Variants in SNTG1 observed in about 807,000 individuals in gnomAD.
SNTG1 encodes the protein gamma-1-syntrophin.
Under a neutral mutation model 74.7 loss-of-function variants are expected in SNTG1, and 39 were observed. That is an observed-to-expected ratio of 0.52 (90% CI 0.40 to 0.68). The LOEUF is 0.68. Ranked by LOEUF, SNTG1 falls within the 30% of genes least tolerant of loss-of-function variation. SNTG1 has a pLI of 0.00. For synonymous variants in SNTG1, 254 were observed against 217.1 expected (o/e 1.17, Z -1.49); for missense variants, 685 against 609.5 (o/e 1.12, Z -1.30).
intron 4 of SNTG1, among the ~76,000 whole-genome samples, chr8:50,405,327 T>C (rs2092858869): frequency 6.6e-6 from 1 of 152,134 alleles, no homozygotes; most frequent in Non-Finnish European, 1.5e-5. Flanking sequence ...TTCTGTGTTT[T>C]TGATAATAGC....
intron 1 of SNTG1, among the ~76,000 whole-genome samples, chr8:50,078,806 T>G (rs1411580434): frequency 1.3e-5 from 2 of 152,190 alleles, no homozygotes; most frequent in Non-Finnish European, 2.9e-5. Context: ...AGTGAGAAAA[T>G]GCAGTTTTTG....
chr8:50,294,573 G>A (rs1224823457), intron 2 of SNTG1, among the ~76,000 whole-genome samples: 1 of 152,150 alleles, frequency 6.6e-6, no homozygotes, highest in African/African-American at 2.4e-5. Context: ...TTATGAGGCA[G>A]GAGGAAAAGA....
At chr8:49,926,991 T>C (rs754880123) in intron 1 of SNTG1, among the ~76,000 whole-genome samples, 1 of 152,170 alleles carries the variant, frequency 6.6e-6, no homozygotes, top group Non-Finnish European at 1.5e-5. Flanking sequence ...TATGAAAAGA[T>C]GCTCAACACC....
intron 1 of SNTG1, among the ~76,000 whole-genome samples, chr8:50,116,479 CTG>C (rs1333928220): frequency 6.6e-6 from 1 of 152,146 alleles, no homozygotes; most frequent in Non-Finnish European, 1.5e-5. Context: ...ATCCTTGACT[CTG>C]TGTTGGAATG....
chr8:50,503,222 T>A (rs1445896350), intron 9 of SNTG1, among the ~76,000 whole-genome samples: 2 of 152,138 alleles, frequency 1.3e-5, no homozygotes, highest in African/African-American at 4.8e-5. Context: ...AAATTAATAC[T>A]AAACAAGAAT....
At chr8:50,671,276 A>G (rs925273478) in intron 15 of SNTG1, among the ~76,000 whole-genome samples, 28 of 151,900 alleles carry the variant, frequency 1.8e-4, no homozygotes, top group African/African-American at 6.8e-4. Context: ...ATGGGAGAAA[A>G]TTTTTGCAAC....
chr8:50,716,911 C>CA (rs2095476495), intron 17 of SNTG1, among the ~76,000 whole-genome samples: 1 of 151,380 alleles, frequency 6.6e-6, no homozygotes, highest in African/African-American at 2.4e-5. Flanking sequence ...TTTTTTTTTG[C>CA]ATTTTTAGTG....
intron 3 of SNTG1, among the ~76,000 whole-genome samples, chr8:50,395,953 T>C (rs1371785593): frequency 6.6e-6 from 1 of 152,198 alleles, no homozygotes; most frequent in Non-Finnish European, 1.5e-5. Flanking sequence ...ATGGGACACA[T>C]GACATTCATA....
intron 18 of SNTG1, among the ~76,000 whole-genome samples, chr8:50,790,467 GGATA>G (rs1217024517): frequency 6.6e-6 from 1 of 151,876 alleles, no homozygotes; most frequent in Non-Finnish European, 1.5e-5. Context: ...GTCGGTGGAT[GGATA>G]GATAGATGTT....
chr8:50,625,304 G>A (rs1415960614), intron 13 of SNTG1, among the ~76,000 whole-genome samples: 3 of 152,168 alleles, frequency 2.0e-5, no homozygotes, highest in Non-Finnish European at 4.4e-5. Flanking sequence ...CCCCAGATGT[G>A]GCAGATCAAT....
intron 1 of SNTG1, among the ~76,000 whole-genome samples, chr8:49,955,820 T>C (rs1030606714): frequency 6.6e-6 from 1 of 152,194 alleles, no homozygotes; most frequent in Non-Finnish European, 1.5e-5. Flanking sequence ...CGCTGTGTCA[T>C]CATGGAGATT....
intron 2 of SNTG1, among the ~76,000 whole-genome samples, chr8:50,208,495 G>A (rs1034829724): frequency 1.3e-5 from 2 of 152,178 alleles, no homozygotes; most frequent in East Asian, 1.9e-4. Context: ...GCACACTGAC[G>A]GGTCTTGACT....
intron 1 of SNTG1, among the ~76,000 whole-genome samples, chr8:49,976,592 T>A (rs1470696436): frequency 1.3e-5 from 2 of 152,152 alleles, no homozygotes; most frequent in African/African-American, 4.8e-5. Flanking sequence ...GTGTCTTAAA[T>A]TTGTCCAGGG....
At chr8:50,224,003 C>T (rs1481035734) in intron 2 of SNTG1, among the ~76,000 whole-genome samples, 10 of 151,790 alleles carry the variant, frequency 6.6e-5, no homozygotes, top group Non-Finnish European at 7.4e-5. Flanking sequence ...TTGCCAGATA[C>T]AAATCTATTC....
chr8:50,590,515 C>A (rs2094684619), intron 12 of SNTG1, among the ~76,000 whole-genome samples: 1 of 151,976 alleles, frequency 6.6e-6, no homozygotes, highest in Non-Finnish European at 1.5e-5. Context: ...AGTGCTAAAA[C>A]AAATTGGATA....
chr8:50,396,264 A>G (rs1273234440), intron 3 of SNTG1, among the ~76,000 whole-genome samples: 1 of 152,226 alleles, frequency 6.6e-6, no homozygotes, highest in Non-Finnish European at 1.5e-5. Flanking sequence ...AATATTGCTG[A>G]AGTCACTATA....
chr8:50,303,182 G>T (rs564063388), intron 2 of SNTG1, among the ~76,000 whole-genome samples: 388 of 152,064 alleles, frequency 2.6e-3, no homozygotes, highest in African/African-American at 9.0e-3. Flanking sequence ...TTTTCACAAT[G>T]GACTCCCTGA....
chr8:50,248,397 C>T (rs930835452), intron 2 of SNTG1, among the ~76,000 whole-genome samples: 2 of 152,148 alleles, frequency 1.3e-5, no homozygotes, highest in African/African-American at 4.8e-5. Context: ...CTCAATTCCC[C>T]CAAGGACAAA....
At chr8:50,599,137 A>G (rs1484487836) in intron 13 of SNTG1, among the ~76,000 whole-genome samples, 5 of 151,922 alleles carry the variant, frequency 3.3e-5, no homozygotes, top group Non-Finnish European at 7.4e-5. Flanking sequence ...CCGCCAATGT[A>G]TATTCTTGGT....
Sources: allele counts gnomAD v4.1 joint callset (sites outside exome capture counted in the v4.1 genomes callset), GRCh38; gene constraint gnomAD v4.1.1; transcripts MANE v1.5; gene names NCBI Gene and HGNC (gene_info 2026-07-23, HGNC 2026-07-21).